The following IL1RAPL1 variants were observed in gnomAD, a reference collection of about 807,000 sequenced individuals.
The protein encoded by IL1RAPL1 is interleukin-1 receptor accessory protein-like 1.
In IL1RAPL1, 3 loss-of-function variants were observed where a neutral mutation model predicts 48.4. The observed-to-expected ratio is 0.06, with a 90% CI of 0.03 to 0.16. The LOEUF (loss-of-function observed/expected upper bound fraction) is 0.16. IL1RAPL1 is among the 10% of genes least tolerant of loss of function. The pLI, the probability that IL1RAPL1 is intolerant of heterozygous loss-of-function variation, is 1.00. For synonymous variants in IL1RAPL1, 185 were observed against 187.7 expected, an observed-to-expected ratio of 0.99 and a Z score of 0.12; for missense variants, 349 against 530.6, an observed-to-expected ratio of 0.66 and a Z score of 3.36.
At chrX:29,307,316 G>A (rs1455263164) in intron 3 of IL1RAPL1, among the ~76,000 whole-genome samples, 2 of 112,097 alleles carry the variant, frequency 1.8e-5, no homozygotes, top group African/African-American at 6.5e-5. Flanking sequence ...TTATTTCACT[G>A]CATATTTTTT....
At chrX:29,900,136 C>T (rs1297190970) in intron 6 of IL1RAPL1, among the ~76,000 whole-genome samples, 1 of 111,572 alleles carries the variant, frequency 9.0e-6, no homozygotes, top group Non-Finnish European at 1.9e-5. Flanking sequence ...ACACTGAGTA[C>T]TTCTAATATA....
At chrX:29,356,618 G>A (rs190794133) in intron 3 of IL1RAPL1, among the ~76,000 whole-genome samples, 307 of 110,256 alleles carry the variant, frequency 2.8e-3, no homozygotes, top group African/African-American at 7.2e-3. Flanking sequence ...TAAATGCTTC[G>A]TGGTTCTCCA....
At chrX:29,443,520 A>G (rs1307493936) in intron 5 of IL1RAPL1, among the ~76,000 whole-genome samples, 1 of 110,909 alleles carries the variant, frequency 9.0e-6, no homozygotes, top group African/African-American at 3.3e-5. Flanking sequence ...TCTGAACATC[A>G]CTGGTTTTGG....
At chrX:29,614,085 A>G (rs899394020) in intron 5 of IL1RAPL1, among the ~76,000 whole-genome samples, 1 of 110,950 alleles carries the variant, frequency 9.0e-6, no homozygotes, top group Admixed American at 9.6e-5. Flanking sequence ...TTAAAATGCT[A>G]TGTTCTTATA....
At chrX:29,222,751 A>G (rs1028413063) in intron 2 of IL1RAPL1, among the ~76,000 whole-genome samples, 2 of 111,331 alleles carry the variant, frequency 1.8e-5, no homozygotes, top group Admixed American at 9.6e-5. Flanking sequence ...TTTGCCCTGA[A>G]TGAGAGGAGG....
At chrX:29,729,443 T>C (rs1459357810) in intron 6 of IL1RAPL1, among the ~76,000 whole-genome samples, 1 of 111,959 alleles carries the variant, frequency 8.9e-6, no homozygotes, top group East Asian at 2.8e-4. Flanking sequence ...GGGAGTATTC[T>C]TCTTTCCCCT....
intron 5 of IL1RAPL1, among the ~76,000 whole-genome samples, chrX:29,667,767 G>C (rs1926040125): frequency 1.8e-5 from 2 of 112,326 alleles, no homozygotes; most frequent in African/African-American, 6.5e-5. Context: ...AAATCGAAGA[G>C]AGTATATCAT....
chrX:29,128,046 G>T (rs758637538), intron 2 of IL1RAPL1, among the ~76,000 whole-genome samples: 7 of 110,069 alleles, frequency 6.4e-5, no homozygotes, highest in African/African-American at 9.9e-5. Context: ...AAGAATTGTC[G>T]CATTTTCATG....
intron 3 of IL1RAPL1, among the ~76,000 whole-genome samples, chrX:29,341,458 G>C (rs1001021265): frequency 1.8e-5 from 2 of 112,030 alleles, no homozygotes; most frequent in Non-Finnish European, 3.8e-5. Context: ...ATACGTCCTT[G>C]AGCAAAACAG....
intron 9 of IL1RAPL1, among the ~76,000 whole-genome samples, chrX:29,947,741 T>A (rs1933239806): frequency 1.9e-5 from 2 of 107,340 alleles, no homozygotes; most frequent in African/African-American, 3.4e-5. Flanking sequence ...CTTATAGGGA[T>A]TTTTTTTGGT....
intron 6 of IL1RAPL1, among the ~76,000 whole-genome samples, chrX:29,727,190 T>C (rs1471258476): frequency 2.7e-5 from 3 of 112,308 alleles, no homozygotes; most frequent in Non-Finnish European, 5.6e-5. Context: ...AGAATTTATC[T>C]CTGTTCACAT....
At chrX:29,944,903 T>C (rs1488635244) in intron 9 of IL1RAPL1, among the ~76,000 whole-genome samples, 1 of 110,606 alleles carries the variant, frequency 9.0e-6, no homozygotes, top group Non-Finnish European at 1.9e-5. Context: ...CATTCTTACC[T>C]GTGTTTCTAG....
chrX:28,723,670 T>C (rs1935623807), intron 1 of IL1RAPL1, among the ~76,000 whole-genome samples: 1 of 111,845 alleles, frequency 8.9e-6, no homozygotes, highest in African/African-American at 3.3e-5. Context: ...TCTCTAGTTC[T>C]TTTAATTGTG....
intron 8 of IL1RAPL1, among the ~76,000 whole-genome samples, chrX:29,922,596 A>G (rs770029493): frequency 8.1e-5 from 9 of 111,666 alleles, no homozygotes; most frequent in Non-Finnish European, 1.5e-4. Flanking sequence ...TATCCCACCC[A>G]TCTTGGGGGG....
intron 5 of IL1RAPL1, among the ~76,000 whole-genome samples, chrX:29,407,990 A>G (rs1197181213): frequency 2.7e-5 from 3 of 112,202 alleles, no homozygotes; most frequent in African/African-American, 6.5e-5. Context: ...ATTGATATAC[A>G]TTGCCATATC....
rs200086257 is a variant in IL1RAPL1, at chrX:29,579,026, A to AG, written c.704-89400dup. On this transcript the variant is annotated intron_variant, in intron 5 of 10. Coordinates refer to ENST00000378993, the MANE Select transcript of IL1RAPL1 (RefSeq NM_014271.4). ...GATGGACTGGCTGAGGCTGGGATGA[A>AG]GGGGTTGACTGAGCCATGTGTCCCT... 1.3e-3 allele frequency among the ~76,000 whole-genome samples: 140 copies of AG among 111,473 alleles called. 4 individuals carry two copies. In the East Asian group the frequency reaches 0.035, roughly 28 times the overall value.
At chrX:29,603,454 A>G (rs747961967) in intron 5 of IL1RAPL1, among the ~76,000 whole-genome samples, 5 of 111,842 alleles carry the variant, frequency 4.5e-5, no homozygotes, top group Non-Finnish European at 9.4e-5. Context: ...GGAAACCATC[A>G]CAGGCATTTC....
rs1052325624 is a variant in IL1RAPL1 at position 29,473,634 on chromosome X, A to G, written c.703+74326A>G. 9.6e-5 allele frequency among the ~76,000 whole-genome samples: 8 copies of G among 83,249 alleles called. No homozygotes were observed. The East Asian group carries it at 3.6e-3, about 37-fold the overall frequency. 72.3% of individuals were successfully genotyped at this position (83,249 alleles called of 115,157 possible). ...CCCCTCAGAACACAGGCCATTTTGC[A>G]TGGCTTATTTCTGTTCATCATTCAG... On this transcript the variant is annotated intron_variant, in intron 5 of 10. Coordinates refer to ENST00000378993, the MANE Select transcript of IL1RAPL1 (RefSeq NM_014271.4).
chrX:29,805,419 GCA>G (rs1246891430), intron 6 of IL1RAPL1, among the ~76,000 whole-genome samples: 1 of 107,801 alleles, frequency 9.3e-6, no homozygotes, highest in Admixed American at 1.0e-4. Context: ...ACACATGCAC[GCA>G]CACACACACA....
Sources: gnomAD v4.1 joint callset for allele counts (sites outside exome capture counted in the v4.1 genomes callset) on GRCh38, gnomAD v4.1.1 for gene constraint, MANE v1.5 for transcripts, NCBI Gene and HGNC (gene_info 2026-07-23, HGNC 2026-07-21) for gene names.